The following CDH4 variants were observed in gnomAD, a reference collection of about 807,000 sequenced individuals.
CDH4 encodes cadherin 4, also known as cadherin-4.
Under a neutral mutation model 86.0 loss-of-function variants are expected in CDH4, and 33 were observed. That is an observed-to-expected ratio of 0.38 (90% CI 0.29 to 0.51). CDH4 has a LOEUF of 0.51. Ranked by LOEUF, CDH4 falls within the 20% of genes least tolerant of loss-of-function variation. The probability of loss-of-function intolerance (pLI) is 0.86; values close to 1 mark genes in which losing one functional copy is unlikely to be tolerated. For missense variants in CDH4, 1,114 were observed against 1,307.4 expected (o/e 0.85, Z 2.28); for synonymous variants, 555 against 549.4 (o/e 1.01, Z -0.14).
At chr20:61,272,729 G>C (rs1007184921) in intron 2 of CDH4, among the ~76,000 whole-genome samples, 9 of 151,880 alleles carry the variant, frequency 5.9e-5, no homozygotes, top group Non-Finnish European at 5.9e-5. Flanking sequence ...GTTGTTTGGG[G>C]GAGTACTCTG....
intron 2 of CDH4, among the ~76,000 whole-genome samples, chr20:61,631,135 G>A (rs1031164371): frequency 6.6e-5 from 10 of 152,192 alleles, no homozygotes; most frequent in African/African-American, 1.9e-4. Flanking sequence ...CAAGGTGTTC[G>A]AGCTGGGACT....
At chr20:61,782,955 C>T (rs901451380) in intron 4 of CDH4, among the ~76,000 whole-genome samples, 2 of 152,140 alleles carry the variant, frequency 1.3e-5, no homozygotes, top group African/African-American at 4.8e-5. Context: ...CGTGGTGGCA[C>T]ATGCCTATAA....
chr20:61,645,018 G>A (rs371086549), intron 2 of CDH4, among the ~76,000 whole-genome samples: 18 of 152,250 alleles, frequency 1.2e-4, no homozygotes, highest in African/African-American at 2.4e-4. Flanking sequence ...GCGAGCTCCC[G>A]GGAGTCTCTT....
At chr20:61,462,364 T>C (rs2085448780) in intron 2 of CDH4, among the ~76,000 whole-genome samples, 1 of 152,174 alleles carries the variant, frequency 6.6e-6, no homozygotes, top group Non-Finnish European at 1.5e-5. Context: ...GGGGAAGAAT[T>C]AGTCAAAGTA....
chr20:61,301,182 G>A (rs535914411), intron 2 of CDH4, among the ~76,000 whole-genome samples: 168 of 152,352 alleles, frequency 1.1e-3, no homozygotes, highest in African/African-American at 3.8e-3. Flanking sequence ...GGTGGTTGCC[G>A]TGGTCACTAG....
intron 2 of CDH4, among the ~76,000 whole-genome samples, chr20:61,720,877 A>G (rs2088033172): frequency 6.6e-6 from 1 of 152,106 alleles, no homozygotes; most frequent in African/African-American, 2.4e-5. Context: ...TGAGACAGTA[A>G]CCATTAGCTT....
intron 2 of CDH4, 30 bp downstream of exon 2, chr20:61,254,967 A>G: frequency 8.1e-7 from 1 of 1,233,032 alleles, no homozygotes; most frequent in Non-Finnish European, 1.2e-6. Context: ...GGTGGGAGTG[A>G]ATTGCTGCCA....
chr20:61,719,559 C>T (rs41304403), intron 2 of CDH4: 8,868 of 183,984 alleles, frequency 0.048, 428 homozygotes, highest in African/African-American at 0.14. Flanking sequence ...GTATAATTGC[C>T]GCTTTAAATC....
chr20:61,856,128 A>G (rs1448704838), intron 6 of CDH4, among the ~76,000 whole-genome samples: 1 of 152,198 alleles, frequency 6.6e-6, no homozygotes, highest in Non-Finnish European at 1.5e-5. Context: ...AATTACAATA[A>G]TAGAAGGGTT....
rs113494257 is a variant in CDH4, at chr20:61,686,691, ATG to A, written c.170-56866_170-56865del. ...TATGTGCGTGTGCATTTGTGTGTGC[ATG>A]TGTGTATGTGCGTGTGCATTCCCGT... is the stretch of plus-strand genomic sequence containing the variant. On this transcript the variant is annotated intron_variant, in intron 2 of 15. Transcript: ENST00000614565. Among the ~76,000 whole-genome samples the A allele has an allele frequency of 6.0e-3, 843 of 141,076 alleles. 8 individuals carry two copies. The highest frequency in any genetic ancestry group is 0.022 in the African/African-American group (803 of 37,218). The allele number at this position is 141,076 out of a possible 152,430, so 92.6% of individuals were successfully genotyped here. A position where few individuals can be genotyped will look rare whatever the true frequency, so the allele number is the denominator to read the frequency against.
chr20:61,579,657 C>T (rs2086410618), intron 2 of CDH4, among the ~76,000 whole-genome samples: 3 of 152,038 alleles, frequency 2.0e-5, no homozygotes, highest in Admixed American at 2.0e-4. Context: ...AAACAGAGGC[C>T]ACATCTGGCT....
At chr20:61,926,230 AGGAGCAAGCACGGGAAGGAG>A (rs527483069) in intron 11 of CDH4, among the ~76,000 whole-genome samples, 1 of 152,326 alleles carries the variant, frequency 6.6e-6, no homozygotes, top group African/African-American at 2.4e-5. Context: ...GTGGAACCAG[AGGAGCAAGCACGGGAAGGAG>A]GGTCACAGAG....
In CDH4 at chr20:61,302,006, G is replaced by A. The variant is rs143768476; in HGVS notation, c.169+47069G>A. 3.3e-5 allele frequency among the ~76,000 whole-genome samples: 5 copies of A among 152,338 alleles called. No homozygotes were observed. The East Asian group carries it at 9.6e-4, about 29-fold the overall frequency. On this transcript the variant is annotated intron_variant, in intron 2 of 15. Transcript: ENST00000614565. ...TTGGAAGTTGCCCAAAACGTCTCCA[G>A]GTAGACTTATGTATAATTAAAACTT...
At chr20:61,620,580 G>A (rs1324849523) in intron 2 of CDH4, among the ~76,000 whole-genome samples, 2 of 152,196 alleles carry the variant, frequency 1.3e-5, no homozygotes, top group Admixed American at 6.5e-5. Context: ...GGTGGATAGA[G>A]AGACAAATCT....
rs552291147 is a variant in CDH4 at position 61,902,863 on chromosome 20, T to C, written c.1189-7559T>C. Among the ~76,000 whole-genome samples the C allele has an allele frequency of 2.8e-4, 42 of 152,138 alleles. No individual in the cohort carries two copies. The South Asian group carries it at 6.8e-3, about 25-fold the overall frequency. On this transcript the variant is annotated intron_variant, in intron 8 of 15. Transcript: ENST00000614565. The surrounding 1 kb of genome is among the most constrained non-coding windows in gnomAD (Gnocchi z 4.6). The stretch of plus-strand genomic sequence containing the variant: ...TGTCTCAGAGAGCTGATTAAAAATC[T>C]CACACCACACACAGCAGAGGTGGCA...
chr20:61,608,718 C>T (rs2086662879), intron 2 of CDH4, among the ~76,000 whole-genome samples: 1 of 152,244 alleles, frequency 6.6e-6, no homozygotes, highest in African/African-American at 2.4e-5. Flanking sequence ...TGCACTTCCT[C>T]ATTGCTCTGT....
chr20:61,305,681 C>A (rs1298351672), intron 2 of CDH4, among the ~76,000 whole-genome samples: 1 of 152,204 alleles, frequency 6.6e-6, no homozygotes. Flanking sequence ...CAGATGTCAT[C>A]CAGCTCACCG....
At chr20:61,924,994 G>A (rs776378415) in intron 11 of CDH4, among the ~76,000 whole-genome samples, 1 of 152,244 alleles carries the variant, frequency 6.6e-6, no homozygotes, top group African/African-American at 2.4e-5. Context: ...TGCCGCCCTC[G>A]TGTCTCTGAC....
intron 2 of CDH4, among the ~76,000 whole-genome samples, chr20:61,673,972 A>C (rs998164251): frequency 6.6e-6 from 1 of 152,220 alleles, no homozygotes; most frequent in Non-Finnish European, 1.5e-5. Flanking sequence ...TTCAGTCTTA[A>C]CATATATCTT....
Sources: gnomAD v4.1 joint callset for allele counts (sites outside exome capture counted in the v4.1 genomes callset) on GRCh38, gnomAD v4.1.1 for gene constraint, Gnocchi (gnomAD v3.1) non-coding constraint, MANE v1.5 for transcripts, NCBI Gene and HGNC (gene_info 2026-07-23, HGNC 2026-07-21) for gene names.